The following GPR19 variants were observed in gnomAD, a reference collection of about 807,000 sequenced individuals.
GPR19 encodes the protein G protein-coupled receptor 19, also known as probable G protein-coupled receptor 19.
Under a neutral mutation model 28.5 loss-of-function variants are expected in GPR19, and 14 were observed. That is an observed-to-expected ratio of 0.49 (90% CI 0.32 to 0.77). The LOEUF (loss-of-function observed/expected upper bound fraction) is 0.77. GPR19 is among the 30% of genes least tolerant of loss of function. The pLI is 0.03. For synonymous variants in GPR19, 173 were observed against 184.1 expected (o/e 0.94, Z 0.49); for missense variants, 409 against 504.1 (o/e 0.81, Z 1.81).
In GPR19 at chr12:12,679,627, T is replaced by C. The variant is rs1592261972; in HGVS notation, c.-23+4724A>G. Among the ~76,000 whole-genome samples, 6 of 148,982 alleles carry C rather than the reference T, an allele frequency of 4.0e-5. 1 individual carries two copies. Reference sequence around the variant, plus strand: ...CATGAGTGTACTACTGCACTCGAGGTTGGGTGACAGAGTGAGACCTTGTCT... The same window carrying C: ...CATGAGTGTACTACTGCACTCGAGGCTGGGTGACAGAGTGAGACCTTGTCT... On this transcript the variant is annotated intron_variant, in intron 3 of 3. Coordinates refer to ENST00000651487, the MANE Select transcript of GPR19 (RefSeq NM_006143.3).
chr12:12,714,820 G>T, the GPR19 span, among the ~76,000 whole-genome samples: 260 of 152,230 alleles, frequency 1.7e-3, 1 homozygote, highest in African/African-American at 6.0e-3. Flanking sequence ...AGACGCCTGC[G>T]TTCTCATTAT....
the GPR19 span, chr12:12,703,233 C>T: frequency 4.3e-6 from 1 of 232,694 alleles, no homozygotes; most frequent in Non-Finnish European, 7.0e-6. Context: ...GGTTAGATTA[C>T]CCTTATATTG....
chr12:12,712,481 A>C, the GPR19 span, among the ~76,000 whole-genome samples: 2 of 152,202 alleles, frequency 1.3e-5, no homozygotes, highest in Non-Finnish European at 2.9e-5. Flanking sequence ...ATTTTTTAGC[A>C]TGCCATCCAT....
intron 2 of GPR19, among the ~76,000 whole-genome samples, chr12:12,695,157 A>T (rs532333149): frequency 6.6e-6 from 1 of 152,338 alleles, no homozygotes; most frequent in South Asian, 2.1e-4. Context: ...TTCCATCAGC[A>T]TTCTTCTGCC....
chr12:12,699,856 T>G (rs771780486), upstream of GPR19, among the ~76,000 whole-genome samples: 1 of 152,236 alleles, frequency 6.6e-6, no homozygotes, highest in Non-Finnish European at 1.5e-5. Context: ...GTCTGTTATC[T>G]TCAATGTATT....
At chr12:12,707,698 AT>A in the GPR19 span, among the ~76,000 whole-genome samples, 1 of 152,140 alleles carries the variant, frequency 6.6e-6, no homozygotes, top group African/African-American at 2.4e-5. Flanking sequence ...AAATATGTTT[AT>A]TGTTCCAAAT....
chr12:12,715,198 G>A, the GPR19 span: 3 of 152,180 alleles, frequency 2.0e-5, no homozygotes, highest in African/African-American at 7.2e-5. Flanking sequence ...TTCCTGTGTT[G>A]TCTAGCAATT....
chr12:12,664,327 G>A (rs977494222), intron 3 of GPR19, among the ~76,000 whole-genome samples: 1 of 151,942 alleles, frequency 6.6e-6, no homozygotes, highest in Non-Finnish European at 1.5e-5. Context: ...CTAATTTGTG[G>A]TAGAGAAAGA....
chr12:12,702,004 G>A, the GPR19 span, among the ~76,000 whole-genome samples: 1 of 150,176 alleles, frequency 6.7e-6, no homozygotes, highest in Non-Finnish European at 1.5e-5. Flanking sequence ...CATTTTGCTT[G>A]CATCATCTTT....
At chr12:12,709,654 G>A in the GPR19 span, among the ~76,000 whole-genome samples, 1 of 152,100 alleles carries the variant, frequency 6.6e-6, no homozygotes, top group African/African-American at 2.4e-5. Context: ...TGCCCAGGCT[G>A]GTCTTGAACT....
upstream of GPR19, among the ~76,000 whole-genome samples, chr12:12,696,744 G>T (rs916122632): frequency 2.6e-5 from 4 of 152,320 alleles, no homozygotes; most frequent in African/African-American, 7.2e-5. Context: ...GGTTCTCGCC[G>T]CCCCGAGCGC....
Position 12,673,622 on chromosome 12 carries a change from AG to A in GPR19, c.-23+10728del, listed in dbSNP as rs1199079010. Among the ~76,000 whole-genome samples the A allele has an allele frequency of 3.3e-5, 5 of 152,236 alleles. No individual in the cohort carries two copies. In the South Asian group the frequency reaches 6.2e-4, roughly 19 times the overall value. On this transcript the variant is annotated intron_variant, in intron 3 of 3. Coordinates refer to ENST00000651487, the MANE Select transcript of GPR19 (RefSeq NM_006143.3). ...ATATGGCAGCTGAAACCCCAACGAC[AG>A]GAAGTCCGCCATAACATTCAGGCAG...
upstream of GPR19, among the ~76,000 whole-genome samples, chr12:12,700,483 A>G (rs1946315007): frequency 6.6e-6 from 1 of 152,132 alleles, no homozygotes; most frequent in Non-Finnish European, 1.5e-5. Context: ...GCTTCAAGGG[A>G]GGCTTAGGGA....
intron 3 of GPR19, among the ~76,000 whole-genome samples, chr12:12,663,016 T>G (rs942045384): frequency 6.6e-6 from 1 of 150,414 alleles, no homozygotes; most frequent in African/African-American, 2.5e-5. Context: ...TAGTGTAGAT[T>G]TTCCATCACA....
Position 12,662,025 on chromosome 12 carries a change from G to T in GPR19, c.424C>A (p.Arg142=). Residue 142 remains arginine (R), a synonymous_variant, in exon 4 of 4, where the codon CGA becomes AGA. Transcript: ENST00000651487. ...CCTGGAGTGAGATATTGAAAATATC[G>T]CACAACCTTGCACGTTGCACTACCC... The part of the protein sequence containing the change: ...TLGSATCKVV[R]YFQYLTPGVQ... The T allele has an allele frequency of 1.2e-6, 2 of 1,614,038 alleles. No homozygotes were observed. Among genetic ancestry groups the T allele is most frequent in the South Asian group, 1.1e-5 (1 of 91,080 alleles).
At chr12:12,709,139 G>C in the GPR19 span, among the ~76,000 whole-genome samples, 1,322 of 152,232 alleles carry the variant, frequency 8.7e-3, 59 homozygotes, top group Admixed American at 0.073. Context: ...TGGAGCAAAG[G>C]GGGGGAAATT....
intron 2 of GPR19, among the ~76,000 whole-genome samples, chr12:12,686,501 CAA>C (rs1373809501): frequency 3.9e-5 from 6 of 152,148 alleles, no homozygotes. Flanking sequence ...ACAATAAGAA[CAA>C]CTAATATTTA....
At chr12:12,680,236 G>T (rs2136328945) in intron 3 of GPR19, among the ~76,000 whole-genome samples, 1 of 152,302 alleles carries the variant, frequency 6.6e-6, no homozygotes, top group East Asian at 1.9e-4. Flanking sequence ...GAATTAAAAA[G>T]ACCTGGATTC....
intron 2 of GPR19, among the ~76,000 whole-genome samples, chr12:12,695,008 C>A (rs1031032678): frequency 6.6e-6 from 1 of 152,204 alleles, no homozygotes; most frequent in African/African-American, 2.4e-5. Context: ...TGAAGTACTT[C>A]CATTCTATAT....
Sources: gnomAD v4.1 joint callset for allele counts (sites outside exome capture counted in the v4.1 genomes callset) on GRCh38, gnomAD v4.1.1 for gene constraint, MANE v1.5 for transcripts, NCBI Gene and HGNC (gene_info 2026-07-23, HGNC 2026-07-21) for gene names.